The following ADAMTS5 variants were observed in gnomAD, a reference collection of about 807,000 sequenced individuals.
ADAMTS5 encodes the protein ADAM metallopeptidase with thrombospondin type 1 motif 5, also known as A disintegrin and metalloproteinase with thrombospondin motifs 5.
A neutral mutation model predicts 81.4 loss-of-function variants in ADAMTS5; 54 were observed. The ratio of observed to expected loss-of-function variants is 0.66; its 90% confidence interval spans 0.53 to 0.83. ADAMTS5 has a LOEUF of 0.83. Ranked by LOEUF, ADAMTS5 falls within the 40% of genes least tolerant of loss-of-function variation. The pLI is 0.00. For missense variants in ADAMTS5, 1,194 were observed against 1,229.9 expected (o/e 0.97, Z 0.44); for synonymous variants, 532 against 508.8 (o/e 1.05, Z -0.61).
rs1436298889 is a variant in ADAMTS5 at position 26,966,347 on chromosome 21, C to T, written c.45G>A (p.Leu15=). ...CGGCGGGGCCGACCGCGGCCAGGGG[C>T]AGGCGGAACGCGCACAGCAGCAGGG... ...WASLLLCAFR[L]PLAAVGPAAT... Residue 15 remains leucine, a synonymous_variant, in exon 1 of 8, where the codon CTG becomes CTA. Coordinates refer to ENST00000284987, the MANE Select transcript of ADAMTS5 (RefSeq NM_007038.5). 2 of 1,503,060 alleles carry T rather than the reference C, an allele frequency of 1.3e-6. No individual in the cohort carries two copies. Among genetic ancestry groups the T allele is most frequent in the Non-Finnish European group, 1.8e-6 (2 of 1,134,608 alleles). The allele number at this position is 1,503,060 out of a possible 1,614,324, so 93.1% of individuals were successfully genotyped here. A position where few individuals can be genotyped will look rare whatever the true frequency, so the allele number is the denominator to read the frequency against.
intron 3 of ADAMTS5, among the ~76,000 whole-genome samples, chr21:26,940,526 A>G (rs2123183188): frequency 6.6e-6 from 1 of 152,286 alleles, no homozygotes; most frequent in East Asian, 1.9e-4. Context: ...GTTAAATAAT[A>G]TCATTTCTTG....
At chr21:26,925,832 C>G (rs1490681924) in intron 7 of ADAMTS5, among the ~76,000 whole-genome samples, 1 of 152,242 alleles carries the variant, frequency 6.6e-6, no homozygotes, top group East Asian at 1.9e-4. Context: ...TCTACAGTGA[C>G]AGCCACACAG....
rs1986662475 is a variant in ADAMTS5 at position 26,920,109 on chromosome 21, A to G, written c.*3944T>C. On this transcript the variant is annotated 3_prime_UTR_variant, in exon 8 of 8. Coordinates refer to ENST00000284987, the MANE Select transcript of ADAMTS5 (RefSeq NM_007038.5). ...GAAAAATTTGATCATTATTAAATTC[A>G]ATGTTATTTGACAGTGTGAACTCTA... 6.6e-6 allele frequency: 1 copy of G among 152,158 alleles called. No individual in the cohort carries two copies. The allele number at this position is 152,158 out of a possible 1,614,324, so 9.4% of individuals were successfully genotyped here. A position where few individuals can be genotyped will look rare whatever the true frequency, so the allele number is the denominator to read the frequency against.
intron 2 of ADAMTS5, among the ~76,000 whole-genome samples, chr21:26,953,332 T>C (rs986540977): frequency 1.3e-5 from 2 of 152,206 alleles, no homozygotes; most frequent in Non-Finnish European, 1.5e-5. Flanking sequence ...AGTGATGCTA[T>C]TGGATAATTA....
chr21:26,963,591 C>G (rs2123210442), intron 1 of ADAMTS5, among the ~76,000 whole-genome samples: 1 of 129,138 alleles, frequency 7.7e-6, no homozygotes, highest in East Asian at 2.5e-4. Context: ...TCTTGGCATC[C>G]TCTTGTGATG....
intron 2 of ADAMTS5, among the ~76,000 whole-genome samples, chr21:26,945,356 C>T (rs1987195426): frequency 6.6e-6 from 1 of 152,094 alleles, no homozygotes; most frequent in Admixed American, 6.6e-5. Flanking sequence ...CCCCAAGTGA[C>T]CTCTGCAACA....
intron 4 of ADAMTS5, 24 bp downstream of exon 4, chr21:26,934,442 T>C: frequency 6.2e-7 from 1 of 1,612,826 alleles, no homozygotes; most frequent in South Asian, 1.1e-5. Context: ...CCTCCAGGCA[T>C]TGACTGATGA....
intron 7 of ADAMTS5, among the ~76,000 whole-genome samples, chr21:26,925,077 T>TG (rs996519957): frequency 3.3e-5 from 5 of 152,164 alleles, no homozygotes; most frequent in Admixed American, 6.5e-5. Context: ...TAGAATCACG[T>TG]GGGGATCTTT....
rs2123227130 is a variant in ADAMTS5 at position 26,920,983 on chromosome 21, C to A, written c.*3070G>T. On this transcript the variant is annotated 3_prime_UTR_variant, in exon 8 of 8. Transcript: ENST00000284987. ...ACCAGTGCTGTATATTATGTAAACTCACAAAGTGTAAAAGTGTACTTTATA... is the reference window on the plus strand; with the variant it reads ...ACCAGTGCTGTATATTATGTAAACTAACAAAGTGTAAAAGTGTACTTTATA... The A allele has an allele frequency of 6.6e-6, 1 of 152,524 alleles. No individual in the cohort carries two copies. The highest frequency in any genetic ancestry group is 1.9e-4 in the East Asian group (1 of 5,174). The allele number at this position is 152,524 out of a possible 1,614,324, so 9.4% of individuals were successfully genotyped here. A position where few individuals can be genotyped will look rare whatever the true frequency, so the allele number is the denominator to read the frequency against.
Position 26,924,543 on chromosome 21 carries a change from T to C in ADAMTS5, c.2303A>G (p.Gln768Arg), listed in dbSNP as rs1986770962. 1 of 1,614,064 alleles carries C rather than the reference T, an allele frequency of 6.2e-7. No individual in the cohort carries two copies. Among genetic ancestry groups the C allele is most frequent in the South Asian group, 1.1e-5 (1 of 91,082 alleles). ...IKVRQFKAKD[Q>R]TRFTAYLALK... ...GGCTAAATAGGCAGTGAATCTAGTC[T>C]GGTCTTTGGCTTTGAACTGTCGAAC... The change falls in exon 8 of 8, where the codon CAG becomes CGG. Residue 768 changes from glutamine (Q) to arginine (R), a missense_variant. Transcript: ENST00000284987.
At chr21:26,958,820 G>C (rs1022043208) in intron 1 of ADAMTS5, among the ~76,000 whole-genome samples, 7 of 152,206 alleles carry the variant, frequency 4.6e-5, no homozygotes, top group African/African-American at 1.4e-4. Context: ...ATTGTTCAGG[G>C]AGAACAGAAG....
intron 3 of ADAMTS5, among the ~76,000 whole-genome samples, chr21:26,937,967 C>T (rs1415442185): frequency 2.0e-5 from 3 of 152,062 alleles, no homozygotes; most frequent in Non-Finnish European, 4.4e-5. Flanking sequence ...AGGCCAGGTG[C>T]GGTGGCTCAT....
Position 26,965,902 on chromosome 21 carries a change from T to A in ADAMTS5, c.490A>T (p.Thr164Ser), listed in dbSNP as rs1373644323. Residue 164 changes from threonine (T) to serine (S), a missense_variant, in exon 1 of 8, where the codon ACC becomes TCC. By Grantham distance (58) the Thr-to-Ser change is moderately conservative. Around this residue, in one of 2 missense-constraint regions of ADAMTS5, gnomAD observed 498 missense variants for 412.3 expected, o/e 1.21. Coordinates refer to ENST00000284987, the MANE Select transcript of ADAMTS5 (RefSeq NM_007038.5). ...GFFAVKHARY[T>S]LKPLLRGPWA... ...GGTCCGCGCAGCAGTGGCTTTAGGGTGTAGCGCGCGTGCTTGACCGCGAAG... is the reference window on the plus strand; with the variant it reads ...GGTCCGCGCAGCAGTGGCTTTAGGGAGTAGCGCGCGTGCTTGACCGCGAAG... The A allele has an allele frequency of 4.3e-6, 7 of 1,613,614 alleles. No individual in the cohort carries two copies. Among genetic ancestry groups the A allele is most frequent in the Non-Finnish European group, 5.9e-6 (7 of 1,179,918 alleles).
chr21:26,930,031 T>C lies in ADAMTS5; in HGVS notation c.2080A>G (p.Ser694Gly). 6.2e-7 allele frequency: 1 copy of C among 1,614,026 alleles called. No individual in the cohort carries two copies. Among genetic ancestry groups the C allele is most frequent in the African/African-American group, 1.3e-5 (1 of 75,034 alleles). ...TTCCCCCGGACGCAGACGGAATTACTGTACAGCCTACATTCAGTGCCATCG... is the reference window on the plus strand; with the variant it reads ...TTCCCCCGGACGCAGACGGAATTACCGTACAGCCTACATTCAGTGCCATCG... ...VTDGTECRLYSNSVCVRGKCV... is the reference protein window; with the variant it reads ...VTDGTECRLYGNSVCVRGKCV... Residue 694 changes from serine to glycine, a missense_variant, in exon 7 of 8, where the codon AGT becomes GGT. Physicochemically the swap from Ser to Gly is moderately conservative, Grantham distance 56 (BLOSUM62 0). Transcript: ENST00000284987.
chr21:26,927,938 G>A (rs1986834530), intron 7 of ADAMTS5, among the ~76,000 whole-genome samples: 1 of 152,014 alleles, frequency 6.6e-6, no homozygotes, highest in East Asian at 1.9e-4. Context: ...AAAATGAGAC[G>A]TGAACCATGC....
In ADAMTS5 at chr21:26,922,776, A is replaced by G. The variant is rs1186018992; in HGVS notation, c.*1277T>C. On this transcript the variant is annotated 3_prime_UTR_variant, in exon 8 of 8. Transcript: ENST00000284987. ...ACAATCAAGTGCTTTCCAGTTGGGA[A>G]AAATATTTAGTACAATAGGAATATA... 1 of 152,586 alleles carries G rather than the reference A, an allele frequency of 6.6e-6. No individual in the cohort carries two copies. The highest frequency in any genetic ancestry group is 1.5e-5 in the Non-Finnish European group (1 of 67,992). 9.5% of individuals were successfully genotyped at this position (152,586 alleles called of 1,614,324 possible). A position where few individuals can be genotyped will look rare whatever the true frequency, so the allele number is the denominator to read the frequency against.
Position 26,919,766 on chromosome 21 carries a change from G to A in ADAMTS5, c.*4287C>T, listed in dbSNP as rs372509258. 1.7e-4 allele frequency: 26 copies of A among 151,994 alleles called. No homozygotes were observed. The highest frequency in any genetic ancestry group is 4.8e-4 in the African/African-American group (20 of 41,390). The allele number at this position is 151,994 out of a possible 1,614,324, so 9.4% of individuals were successfully genotyped here. A position where few individuals can be genotyped will look rare whatever the true frequency, so the allele number is the denominator to read the frequency against. On this transcript the variant is annotated 3_prime_UTR_variant, in exon 8 of 8. Transcript: ENST00000284987. ...GATTATGCTAACAAAGGATTCTTAG[G>A]AAGATTTTTCAATGTACTAGCCAGT...
At chr21:26,926,837 A>C (rs1986814330) in intron 7 of ADAMTS5, among the ~76,000 whole-genome samples, 1 of 152,168 alleles carries the variant, frequency 6.6e-6, no homozygotes, top group Non-Finnish European at 1.5e-5. Flanking sequence ...GGAGTAAGTA[A>C]AATAAAGAAT....
At chr21:26,964,028 G>A (rs1987584879) in intron 1 of ADAMTS5, among the ~76,000 whole-genome samples, 1 of 152,142 alleles carries the variant, frequency 6.6e-6, no homozygotes, top group Non-Finnish European at 1.5e-5. Context: ...ATTAGGTAGC[G>A]AAGCTGTGTG....
Sources: allele counts gnomAD v4.1 joint callset (sites outside exome capture counted in the v4.1 genomes callset), GRCh38; gene constraint gnomAD v4.1.1; regional missense constraint gnomAD v4.1.1; transcripts MANE v1.5; gene names NCBI Gene and HGNC (gene_info 2026-07-23, HGNC 2026-07-21).